Variants in RIN3 observed in about 807,000 individuals in gnomAD.
The protein encoded by RIN3 is Ras and Rab interactor 3.
A neutral mutation model predicts 76.3 loss-of-function variants in RIN3; 54 were observed. The observed-to-expected ratio is 0.71, with a 90% CI of 0.57 to 0.89. The LOEUF (loss-of-function observed/expected upper bound fraction) is 0.89, where lower values mean the gene tolerates loss of function less well. Among genes scored for constraint, RIN3 ranks in the 40% least tolerant of loss-of-function variants. The pLI, the probability that RIN3 is intolerant of heterozygous loss-of-function variation, is 0.00. For missense variants in RIN3, 1,256 were observed against 1,322.1 expected, an observed-to-expected ratio of 0.95 and a Z score of 0.78; for synonymous variants, 576 against 564.0, an observed-to-expected ratio of 1.02 and a Z score of -0.30.
intron 2 of RIN3, among the ~76,000 whole-genome samples, chr14:92,574,176 C>T (rs1898146243): frequency 6.6e-6 from 1 of 152,208 alleles, no homozygotes. Flanking sequence ...AAAGCACTCT[C>T]CTGCAGAGAG....
intron 1 of RIN3, among the ~76,000 whole-genome samples, chr14:92,544,011 G>A (rs1897187202): frequency 6.6e-6 from 1 of 151,990 alleles, no homozygotes; most frequent in Admixed American, 6.6e-5. Context: ...TGTTCGTGAA[G>A]CCTCCCCACC....
Position 92,651,860 on chromosome 14 carries a change from C to G in RIN3, c.811C>G (p.Pro271Ala). 1 of 1,609,476 alleles carries G rather than the reference C, an allele frequency of 6.2e-7. No individual in the cohort carries two copies. The highest frequency in any genetic ancestry group is 2.2e-5 in the East Asian group (1 of 44,770). ...GCCGCCCACCTCTGATGCCACCTCA[C>G]CCACCTCCAGGTGGGCCCCACGCCG... is the stretch of plus-strand genomic sequence containing the variant. ...PLPPTSDATS[P>A]TSRWAPRRPP... is the part of the protein sequence containing the mutation. The change falls in exon 6 of 10, where the codon CCC becomes GCC. Residue 271 changes from proline to alanine, a missense_variant. Coordinates refer to ENST00000216487, the MANE Select transcript of RIN3 (RefSeq NM_024832.5).
intron 3 of RIN3, among the ~76,000 whole-genome samples, chr14:92,606,793 C>T (rs1848934983): frequency 6.6e-6 from 1 of 152,166 alleles, no homozygotes; most frequent in Non-Finnish European, 1.5e-5. Flanking sequence ...TTAGAATCCT[C>T]ACGGTGGGAA....
chr14:92,678,133 C>T (rs1358122829), intron 8 of RIN3, among the ~76,000 whole-genome samples: 1 of 150,042 alleles, frequency 6.7e-6, no homozygotes, highest in Non-Finnish European at 1.5e-5. Context: ...CACATATTCA[C>T]CCAGCCATCC....
At chr14:92,593,882 G>A (rs1044798398) in intron 3 of RIN3, among the ~76,000 whole-genome samples, 2 of 152,138 alleles carry the variant, frequency 1.3e-5, no homozygotes, top group African/African-American at 4.8e-5. Context: ...GGAACTACAA[G>A]GAGAAATAGA....
At chr14:92,625,547 A>G (rs1271216684) in intron 4 of RIN3, among the ~76,000 whole-genome samples, 1 of 152,168 alleles carries the variant, frequency 6.6e-6, no homozygotes, top group African/African-American at 2.4e-5. Flanking sequence ...CTATTATGCC[A>G]TGAGCAGGAC....
intron 7 of RIN3, among the ~76,000 whole-genome samples, chr14:92,667,637 G>T (rs1888156870): frequency 6.6e-6 from 1 of 152,208 alleles, no homozygotes; most frequent in African/African-American, 2.4e-5. Flanking sequence ...CTACAGATAG[G>T]TAAATAGATA....
intron 8 of RIN3, among the ~76,000 whole-genome samples, chr14:92,679,989 G>GTTA (rs927258895): frequency 1.3e-5 from 2 of 152,082 alleles, no homozygotes; most frequent in African/African-American, 4.8e-5. Flanking sequence ...GTGGCTTGGT[G>GTTA]TTAGTTTGTT....
chr14:92,627,711 C>T (rs1345912617), intron 4 of RIN3, among the ~76,000 whole-genome samples: 1 of 152,188 alleles, frequency 6.6e-6, no homozygotes, highest in Non-Finnish European at 1.5e-5. Flanking sequence ...ATCTCTAGCC[C>T]TTGAGGCCAC....
At chr14:92,649,341 T>C (rs1566885351) in intron 5 of RIN3, among the ~76,000 whole-genome samples, 1 of 152,162 alleles carries the variant, frequency 6.6e-6, no homozygotes, top group East Asian at 1.9e-4. Context: ...CTGGGATCAG[T>C]CTGGCTGCCT....
intron 4 of RIN3, among the ~76,000 whole-genome samples, chr14:92,631,621 G>T (rs10131336): frequency 0.57 from 85,594 of 151,296 alleles, 24,958 homozygotes; most frequent in Non-Finnish European, 0.65. Flanking sequence ...CGGGAGTGGG[G>T]GTTGGAGTCT....
chr14:92,525,441 G>A (rs1896704722), intron 1 of RIN3, among the ~76,000 whole-genome samples: 1 of 152,138 alleles, frequency 6.6e-6, no homozygotes, highest in Admixed American at 6.5e-5. Context: ...GAGATTGAGG[G>A]GAGGGAAGGA....
intron 7 of RIN3, among the ~76,000 whole-genome samples, chr14:92,667,293 A>G (rs1478944884): frequency 6.6e-6 from 1 of 152,200 alleles, no homozygotes; most frequent in African/African-American, 2.4e-5. Flanking sequence ...CGGGCGGATC[A>G]TGAGGTCAGG....
intron 7 of RIN3, among the ~76,000 whole-genome samples, chr14:92,664,969 CAT>C (rs1270831195): frequency 1.3e-5 from 2 of 152,186 alleles, no homozygotes; most frequent in African/African-American, 4.8e-5. Flanking sequence ...GTGTGCTTGT[CAT>C]ATGTTTTTAA....
chr14:92,578,564 T>C (rs147830458), intron 3 of RIN3, among the ~76,000 whole-genome samples: 16 of 151,808 alleles, frequency 1.1e-4, no homozygotes, highest in African/African-American at 3.4e-4. Flanking sequence ...GGAGATGGAG[T>C]TTTATTATTA....
chr14:92,618,089 C>T (rs1024054775), intron 4 of RIN3, among the ~76,000 whole-genome samples: 15 of 152,068 alleles, frequency 9.9e-5, no homozygotes, highest in African/African-American at 3.1e-4. Context: ...TAATGAGGTA[C>T]CATTAAAGTT....
intron 1 of RIN3, among the ~76,000 whole-genome samples, chr14:92,517,439 G>A (rs1034200825): frequency 2.6e-5 from 4 of 152,156 alleles, no homozygotes; most frequent in Non-Finnish European, 5.9e-5. Flanking sequence ...CTAGGGGATT[G>A]GGGGCATCTG....
chr14:92,614,638 G>C (rs1409710866), intron 3 of RIN3, among the ~76,000 whole-genome samples: 28 of 151,758 alleles, frequency 1.8e-4, no homozygotes, highest in Non-Finnish European at 7.4e-5. Flanking sequence ...CTGTTCTCCT[G>C]GTAGTGAATA....
intron 2 of RIN3, among the ~76,000 whole-genome samples, chr14:92,560,187 C>T (rs889675461): frequency 6.6e-6 from 1 of 152,122 alleles, no homozygotes; most frequent in Non-Finnish European, 1.5e-5. Flanking sequence ...CCCAGGCTGC[C>T]GAGGCCCAGA....
Sources: allele counts gnomAD v4.1 joint callset (sites outside exome capture counted in the v4.1 genomes callset), GRCh38; gene constraint gnomAD v4.1.1; transcripts MANE v1.5; gene names NCBI Gene and HGNC (gene_info 2026-07-23, HGNC 2026-07-21).